NXPE4: variants seen among roughly 807,000 people sequenced by gnomAD.
NXPE4 encodes neurexophilin and PC-esterase domain family member 4.
In NXPE4, 42 loss-of-function variants were observed where a neutral mutation model predicts 33.3. The ratio of observed to expected loss-of-function variants is 1.26; its 90% CI spans 0.98 to 1.63. NXPE4 has a LOEUF of 1.63. Ranked by LOEUF, NXPE4 falls within the 40% of genes most tolerant of loss-of-function variation. The pLI, the probability that NXPE4 is intolerant of heterozygous loss-of-function variation, is 0.00. For missense variants in NXPE4, 709 were observed against 647.6 expected (o/e 1.09, Z -1.03); for synonymous variants, 253 against 234.9 (o/e 1.08, Z -0.71).
At chr11:114,632,733 A>AAT in the NXPE4 span, among the ~76,000 whole-genome samples, 11 of 59,652 alleles carry the variant, frequency 1.8e-4, no homozygotes, top group South Asian at 1.2e-3. Flanking sequence ...AATATATAAT[A>AAT]TATATAAAAT....
the NXPE4 span, among the ~76,000 whole-genome samples, chr11:114,641,441 G>A: frequency 1.3e-5 from 2 of 151,950 alleles, no homozygotes; most frequent in Non-Finnish European, 2.9e-5. Flanking sequence ...CAATGAAATT[G>A]CAAAATATTT....
upstream of NXPE4, among the ~76,000 whole-genome samples, chr11:114,598,987 T>C (rs112139373): frequency 2.6e-5 from 4 of 152,334 alleles, no homozygotes; most frequent in African/African-American, 9.6e-5. Context: ...CCATTTCTTT[T>C]TACCATATGG....
the NXPE4 span, among the ~76,000 whole-genome samples, chr11:114,659,491 T>C: frequency 6.8e-6 from 1 of 147,570 alleles, no homozygotes; most frequent in Non-Finnish European, 1.5e-5. Flanking sequence ...ACCCTAGAGA[T>C]GTGAAATAAT....
chr11:114,619,775 G>C, the NXPE4 span, among the ~76,000 whole-genome samples: 1 of 152,034 alleles, frequency 6.6e-6, no homozygotes, highest in African/African-American at 2.4e-5. Context: ...GTTACCAGGT[G>C]GATAATAAGT....
the NXPE4 span, among the ~76,000 whole-genome samples, chr11:114,616,242 C>T: frequency 1.8e-3 from 274 of 151,656 alleles, 7 homozygotes; most frequent in African/African-American, 6.2e-3. Flanking sequence ...CACTGGTAAC[C>T]ACTGTTACCC....
chr11:114,633,650 T>G, the NXPE4 span, among the ~76,000 whole-genome samples: 13,715 of 150,292 alleles, frequency 0.091, 790 homozygotes, highest in Middle Eastern at 0.2. Context: ...GAGTGTGATG[T>G]TCCCCTTCCT....
At chr11:114,636,350 C>G in the NXPE4 span, among the ~76,000 whole-genome samples, 1 of 151,762 alleles carries the variant, frequency 6.6e-6, no homozygotes. Context: ...TGATTCTTCT[C>G]TCTTTTTTTC....
the NXPE4 span, among the ~76,000 whole-genome samples, chr11:114,659,498 TAATATC>T: frequency 1.7e-4 from 26 of 148,614 alleles, 1 homozygote; most frequent in Admixed American, 1.8e-3. Flanking sequence ...AGATGTGAAA[TAATATC>T]AAGTGGTCTA....
the NXPE4 span, among the ~76,000 whole-genome samples, chr11:114,638,296 C>A: frequency 1.3e-5 from 2 of 151,980 alleles, no homozygotes; most frequent in Non-Finnish European, 2.9e-5. Context: ...AGTTCTCGAG[C>A]CTTGGTTTTC....
At chr11:114,640,093 AAT>A in the NXPE4 span, among the ~76,000 whole-genome samples, 7 of 124,010 alleles carry the variant, frequency 5.6e-5, no homozygotes, top group East Asian at 2.4e-4. Context: ...AATGTAATAT[AAT>A]ATATGATTAT....
At chr11:114,632,192 T>C in the NXPE4 span, among the ~76,000 whole-genome samples, 2 of 141,750 alleles carry the variant, frequency 1.4e-5, no homozygotes, top group Non-Finnish European at 1.5e-5. Context: ...AAATAAATGA[T>C]CATATATACA....
the NXPE4 span, among the ~76,000 whole-genome samples, chr11:114,631,833 G>A: frequency 6.6e-6 from 1 of 151,206 alleles, no homozygotes; most frequent in Non-Finnish European, 1.5e-5. Flanking sequence ...GGTAACCGAT[G>A]TTACCCGGTG....
chr11:114,633,196 G>A, the NXPE4 span, among the ~76,000 whole-genome samples: 4 of 125,020 alleles, frequency 3.2e-5, no homozygotes, highest in African/African-American at 9.4e-5. Context: ...ATTTTATTAT[G>A]TATAAACATG....
the NXPE4 span, among the ~76,000 whole-genome samples, chr11:114,662,765 C>T: frequency 4.6e-5 from 7 of 152,140 alleles, no homozygotes; most frequent in African/African-American, 1.7e-4. Flanking sequence ...CAGGCCCTAG[C>T]TCCCGAGTGA....
chr11:114,639,906 T>A, the NXPE4 span, among the ~76,000 whole-genome samples: 1 of 117,036 alleles, frequency 8.5e-6, no homozygotes. Context: ...ATATTAAATA[T>A]AAAATATAAT....
chr11:114,677,316 A>T, the NXPE4 span, among the ~76,000 whole-genome samples: 6 of 152,112 alleles, frequency 3.9e-5, no homozygotes, highest in Non-Finnish European at 4.4e-5. Flanking sequence ...GGTGATGGAT[A>T]TGTTAATTAG....
chr11:114,657,749 G>GAT, the NXPE4 span, among the ~76,000 whole-genome samples: 1 of 152,048 alleles, frequency 6.6e-6, no homozygotes, highest in Non-Finnish European at 1.5e-5. Context: ...AAGAAAAAAA[G>GAT]ATATAAGAAC....
chr11:114,607,463 A>G, the NXPE4 span, among the ~76,000 whole-genome samples: 1 of 151,666 alleles, frequency 6.6e-6, no homozygotes, highest in Non-Finnish European at 1.5e-5. Context: ...GGTGGATGAT[A>G]AATATTGCCT....
At chr11:114,634,352 T>G in the NXPE4 span, among the ~76,000 whole-genome samples, 6 of 152,108 alleles carry the variant, frequency 3.9e-5, no homozygotes, top group African/African-American at 1.4e-4. Context: ...CATTGTAGAT[T>G]CTGGATATTA....
Sources: gnomAD v4.1 joint callset for allele counts (sites outside exome capture counted in the v4.1 genomes callset) on GRCh38, gnomAD v4.1.1 for gene constraint, MANE v1.5 for transcripts, NCBI Gene and HGNC (gene_info 2026-07-23, HGNC 2026-07-21) for gene names.